The following TNPO3 variants were observed in gnomAD, a reference collection of about 807,000 sequenced individuals.
TNPO3 encodes transportin 3, also known as transportin-3.
In TNPO3, 65 loss-of-function variants were observed where a neutral mutation model predicts 122.8. That is an observed-to-expected ratio of 0.53 (90% CI 0.43 to 0.65). The LOEUF is 0.65. Among genes scored for constraint, TNPO3 ranks in the 30% least tolerant of loss-of-function variants. The pLI is 0.00. For missense variants in TNPO3, 850 were observed against 1,136.7 expected (o/e 0.75, Z 3.63); for synonymous variants, 372 against 411.2 (o/e 0.90, Z 1.15).
chr7:128,967,863 C>T (rs540201044), intron 20 of TNPO3, among the ~76,000 whole-genome samples: 1 of 152,232 alleles, frequency 6.6e-6, no homozygotes, highest in African/African-American at 2.4e-5. Context: ...GATCCTCCCA[C>T]CTCAGCTTCC....
At chr7:128,988,731 G>C (rs1800436215) in intron 11 of TNPO3, among the ~76,000 whole-genome samples, 1 of 152,202 alleles carries the variant, frequency 6.6e-6, no homozygotes, top group Non-Finnish European at 1.5e-5. Context: ...TGTTGAGCCA[G>C]ATAAAGTGCA....
intron 7 of TNPO3, 80 bp from the exon 8 acceptor site, chr7:128,997,615 T>C (rs982391683): frequency 2.2e-5 from 27 of 1,204,298 alleles, no homozygotes; most frequent in Non-Finnish European, 2.9e-5. Context: ...CACGACCATA[T>C]AGGAAGAAAG....
chr7:129,013,537 C>G (rs1016999632), intron 4 of TNPO3, among the ~76,000 whole-genome samples: 4 of 151,980 alleles, frequency 2.6e-5, no homozygotes, highest in Admixed American at 1.3e-4. Context: ...TAAAGCAGTA[C>G]AGTCATTATG....
chr7:129,013,901 T>C lies in TNPO3; in HGVS notation c.552+1078A>G, dbSNP rs988529902. On this transcript the variant is annotated intron_variant, in intron 4 of 22. Transcript: ENST00000265388. Reference sequence around the variant, plus strand: ...CAAATATCACATGCTTTCACTGCTATGTTGGAGTGAAAAAAAATGGATCTC... The same window carrying C: ...CAAATATCACATGCTTTCACTGCTACGTTGGAGTGAAAAAAAATGGATCTC... Among the ~76,000 whole-genome samples the C allele has an allele frequency of 7.2e-5, 11 of 151,738 alleles. No homozygotes were observed. The East Asian group carries it at 1.9e-3, about 27-fold the overall frequency.
intron 4 of TNPO3, among the ~76,000 whole-genome samples, chr7:129,008,598 C>T (rs1392038797): frequency 6.6e-6 from 1 of 152,020 alleles, no homozygotes; most frequent in Admixed American, 6.6e-5. Context: ...ATATGTAATA[C>T]GTAAACTAAT....
intron 21 of TNPO3, among the ~76,000 whole-genome samples, chr7:128,960,507 G>T (rs545134473): frequency 4.7e-4 from 72 of 151,608 alleles, no homozygotes; most frequent in African/African-American, 1.7e-3. Context: ...TGATGATCTT[G>T]ACCCTGTGTA....
chr7:128,991,267 G>A (rs1221436054), intron 10 of TNPO3, among the ~76,000 whole-genome samples: 1 of 152,122 alleles, frequency 6.6e-6, no homozygotes, highest in Non-Finnish European at 1.5e-5. Flanking sequence ...CACTGACGAG[G>A]CCCTGAAAGG....
At chr7:129,008,654 A>G (rs1802847747) in intron 4 of TNPO3, among the ~76,000 whole-genome samples, 1 of 152,264 alleles carries the variant, frequency 6.6e-6, no homozygotes, top group Non-Finnish European at 1.5e-5. Flanking sequence ...GGCTGAAAGT[A>G]GCAAAATGAA....
At chr7:129,016,336 G>A (rs1481393387) in intron 3 of TNPO3, among the ~76,000 whole-genome samples, 1 of 152,170 alleles carries the variant, frequency 6.6e-6, no homozygotes, top group Non-Finnish European at 1.5e-5. Flanking sequence ...GGAGGTTGCA[G>A]TGAGCCAAGA....
At chr7:129,009,798 G>A (rs1802981789) in intron 4 of TNPO3, among the ~76,000 whole-genome samples, 1 of 152,204 alleles carries the variant, frequency 6.6e-6, no homozygotes. Flanking sequence ...CTTACTTTTT[G>A]TAGCTACAAA....
chr7:129,000,296 G>T, intron 7 of TNPO3, 133 bp downstream of exon 7: 2 of 1,057,258 alleles, frequency 1.9e-6, no homozygotes, highest in Non-Finnish European at 2.7e-6. Flanking sequence ...TTCCAAAACA[G>T]ATGAAATCAC....
At chr7:129,053,251 GGA>G (rs1431629088) in intron 1 of TNPO3, among the ~76,000 whole-genome samples, 2 of 151,958 alleles carry the variant, frequency 1.3e-5, no homozygotes, top group African/African-American at 4.8e-5. Flanking sequence ...CTTGAACCTG[GGA>G]GGAGGAGGTT....
At chr7:129,053,187 T>C (rs1038130039) in intron 1 of TNPO3, among the ~76,000 whole-genome samples, 1 of 152,050 alleles carries the variant, frequency 6.6e-6, no homozygotes, top group African/African-American at 2.4e-5. Context: ...TAGCTGGGTG[T>C]GGTGGCGTGT....
chr7:128,999,225 G>A (rs963512426), intron 7 of TNPO3, among the ~76,000 whole-genome samples: 4 of 152,062 alleles, frequency 2.6e-5, no homozygotes, highest in Admixed American at 1.3e-4. Flanking sequence ...TTTCTTACTT[G>A]GCAAACCATC....
At chr7:128,973,209 G>C (rs1042968650) in intron 18 of TNPO3, among the ~76,000 whole-genome samples, 5 of 152,122 alleles carry the variant, frequency 3.3e-5, no homozygotes, top group Non-Finnish European at 7.4e-5. Flanking sequence ...ATGTCAACAG[G>C]AATCCCTCAA....
intron 16 of TNPO3, among the ~76,000 whole-genome samples, chr7:128,978,421 C>T (rs1054768922): frequency 2.0e-5 from 3 of 152,148 alleles, no homozygotes; most frequent in Non-Finnish European, 2.9e-5. Context: ...TATAAAAATG[C>T]TTACCATTAG....
intron 1 of TNPO3, among the ~76,000 whole-genome samples, chr7:129,052,205 C>T (rs1563115725): frequency 1.3e-5 from 2 of 152,140 alleles, no homozygotes; most frequent in East Asian, 3.8e-4. Flanking sequence ...CCCTGGCTTC[C>T]GGTTGGGTTT....
At chr7:129,009,292 C>T (rs1210577117) in intron 4 of TNPO3, among the ~76,000 whole-genome samples, 1 of 152,102 alleles carries the variant, frequency 6.6e-6, no homozygotes, top group Non-Finnish European at 1.5e-5. Context: ...TCCATTAGGA[C>T]AGACCACAAA....
chr7:129,019,437 AGATT>A (rs994746117), intron 1 of TNPO3, among the ~76,000 whole-genome samples: 3 of 152,234 alleles, frequency 2.0e-5, no homozygotes, highest in African/African-American at 7.2e-5. Context: ...ATCTTTCCAA[AGATT>A]GATACGAAGC....
Sources: allele counts gnomAD v4.1 joint callset (sites outside exome capture counted in the v4.1 genomes callset), GRCh38; gene constraint gnomAD v4.1.1; transcripts MANE v1.5; gene names NCBI Gene and HGNC (gene_info 2026-07-23, HGNC 2026-07-21).